EIF2AK1: variants seen among roughly 807,000 people sequenced by gnomAD.
EIF2AK1 encodes eukaryotic translation initiation factor 2 alpha kinase 1, also known as eukaryotic translation initiation factor 2-alpha kinase 1.
In EIF2AK1, 54 loss-of-function variants were observed where a neutral mutation model predicts 77.9. The observed-to-expected ratio is 0.69, with a 90% confidence interval of 0.56 to 0.87. EIF2AK1 has a LOEUF of 0.87. EIF2AK1 is among the 40% of genes least tolerant of loss of function. The pLI is 0.00. For synonymous variants in EIF2AK1, 314 were observed against 290.5 expected, an observed-to-expected ratio of 1.08 and a Z score of -0.82; for missense variants, 810 against 768.6, an observed-to-expected ratio of 1.05 and a Z score of -0.64.
At chr7:6,045,450 G>A (rs890980748) in intron 6 of EIF2AK1, among the ~76,000 whole-genome samples, 1 of 152,136 alleles carries the variant, frequency 6.6e-6, no homozygotes, top group Non-Finnish European at 1.5e-5. Context: ...AATTGTTATA[G>A]CAACTAAATA....
At position 6,058,928 on chromosome 7, in the gene EIF2AK1, A is replaced by G. The variant is rs770781049; in HGVS notation, c.118+38T>C. 2.0e-6 allele frequency: 3 copies of G among 1,477,004 alleles called. No individual in the cohort carries two copies. In the South Asian group the frequency reaches 3.8e-5, roughly 19 times the overall value. The allele number at this position is 1,477,004 out of a possible 1,614,324, so 91.5% of individuals were successfully genotyped here. A position where few individuals can be genotyped will look rare whatever the true frequency, so the allele number is the denominator to read the frequency against. On this transcript the variant is annotated intron_variant, in intron 1 of 14. Coordinates refer to ENST00000199389, the MANE Select transcript of EIF2AK1 (RefSeq NM_014413.4). Reference sequence around the variant, plus strand: ...GCCGCCCAGAAACGCAGGTGGACAGAGAGAGCAGAGCGGCGACGCCGCGAT... The same window carrying G: ...GCCGCCCAGAAACGCAGGTGGACAGGGAGAGCAGAGCGGCGACGCCGCGAT...
intron 11 of EIF2AK1, chr7:6,031,494 A>G: frequency 6.4e-7 from 1 of 1,550,692 alleles, no homozygotes; most frequent in Non-Finnish European, 8.7e-7. Context: ...ATGAGAGAAG[A>G]CTGCACTACG....
rs888003176 is a variant in EIF2AK1, at chr7:6,023,217, T to G, written c.*1456A>C. The G allele has an allele frequency of 2.8e-6, 4 of 1,441,122 alleles. No individual in the cohort carries two copies. The highest frequency in any genetic ancestry group is 3.7e-6 in the Non-Finnish European group (4 of 1,079,750). 89.3% of individuals were successfully genotyped at this position (1,441,122 alleles called of 1,614,324 possible). ...TTTCCCATGTCATCAGTCTGTGGTG[T>G]TTGGTGACTGTCCCCTTCCCCACTG... On this transcript the variant is annotated 3_prime_UTR_variant, in exon 15 of 15. Coordinates refer to ENST00000199389, the MANE Select transcript of EIF2AK1 (RefSeq NM_014413.4).
Position 6,036,665 on chromosome 7 carries a change from T to C in EIF2AK1, c.1332+759A>G, listed in dbSNP as rs750238372. Among the ~76,000 whole-genome samples, 16 of 152,146 alleles carry C rather than the reference T, an allele frequency of 1.1e-4. No individual in the cohort carries two copies. Among genetic ancestry groups the C allele is most frequent in the Non-Finnish European group, 1.9e-4 (13 of 68,034 alleles). ...TTCAGCCAAAGACACAAATATATTT[T>C]CTCTCTTTCTTGATAGCCTTTTGTG... On this transcript the variant is annotated intron_variant, in intron 11 of 14. Coordinates refer to ENST00000199389, the MANE Select transcript of EIF2AK1 (RefSeq NM_014413.4). This position sits in a 1 kb window ranked among gnomAD's most constrained non-coding sequence, Gnocchi z 4.6.
In EIF2AK1 at chr7:6,041,114, A is replaced by G; in HGVS notation, c.897T>C (p.Asn299=). The change falls in exon 9 of 15, where the codon AAT becomes AAC. Residue 299 remains asparagine, a synonymous_variant. Coordinates refer to ENST00000199389, the MANE Select transcript of EIF2AK1 (RefSeq NM_014413.4). ...EKRFGESDTE[N]QNNKSVKYTT... is the part of the protein sequence containing the mutation. ...TGTACTTCACCGACTTGTTATTCTG[A>G]TTTTCAGTGTCAGATTCTCCAAAGC... 1 of 1,613,552 alleles carries G rather than the reference A, an allele frequency of 6.2e-7. No homozygotes were observed. Among genetic ancestry groups the G allele is most frequent in the Non-Finnish European group, 8.5e-7 (1 of 1,179,972 alleles).
At chr7:6,045,870 A>G (rs1305175289) in intron 6 of EIF2AK1, among the ~76,000 whole-genome samples, 4 of 151,630 alleles carry the variant, frequency 2.6e-5, no homozygotes, top group Non-Finnish European at 5.9e-5. Context: ...CTTTACTCCA[A>G]CCTGGCCAAA....
chr7:6,030,496 G>A (rs558193310), intron 11 of EIF2AK1, among the ~76,000 whole-genome samples: 1 of 152,084 alleles, frequency 6.6e-6, no homozygotes, highest in African/African-American at 2.4e-5. Flanking sequence ...CTCGCACTAC[G>A]AAAAAACTGA....
At chr7:6,024,982 G>C (rs1458755104) in intron 14 of EIF2AK1, among the ~76,000 whole-genome samples, 181 bp from the exon 15 acceptor site, 6 of 151,930 alleles carry the variant, frequency 3.9e-5, no homozygotes, top group African/African-American at 1.5e-4. Flanking sequence ...GGGATTACAG[G>C]CGCTCTCATA....
Position 6,023,620 on chromosome 7 carries a change from A to G in EIF2AK1, c.*1053T>C. On this transcript the variant is annotated 3_prime_UTR_variant, in exon 15 of 15. Transcript: ENST00000199389. ...AGGCTGCAGTGTGACAGTGCCAGCC[A>G]ATGTGCAGAGGTGGATGAGGTCTTG... 6.2e-7 allele frequency: 1 copy of G among 1,614,150 alleles called. No individual in the cohort carries two copies. Among genetic ancestry groups the G allele is most frequent in the Non-Finnish European group, 8.5e-7 (1 of 1,180,008 alleles).
At chr7:6,030,393 C>T (rs889804852) in intron 11 of EIF2AK1, among the ~76,000 whole-genome samples, 2 of 152,160 alleles carry the variant, frequency 1.3e-5, no homozygotes, top group Non-Finnish European at 2.9e-5. Context: ...CTACCAGACA[C>T]GTGACCTTGC....
rs775072621 is a variant in EIF2AK1 at position 6,024,717 on chromosome 7, C to G, written c.1849G>C (p.Asp617His). ...TTTCCGTCATCCCTCACCCCTTTGT[C>G]TTGAGAAAGGAGGTTTAGCTGCTTC... ...LKKQLNLLSQ[D>H]KGVRDDGKDG... is the part of the protein sequence containing the mutation. The change falls in exon 15 of 15, where the codon GAC (aspartate) becomes CAC (histidine). Residue 617 changes from aspartate to histidine, a missense_variant. Around this residue, in one of 3 missense-constraint regions of EIF2AK1, gnomAD observed 549 missense variants for 533.7 expected, o/e 1.03. Coordinates refer to ENST00000199389, the MANE Select transcript of EIF2AK1 (RefSeq NM_014413.4). The G allele has an allele frequency of 6.7e-5, 108 of 1,609,436 alleles. 4 individuals carry two copies. In the South Asian group the frequency reaches 1.1e-3, roughly 17 times the overall value.
chr7:6,031,850 A>C (rs1787921188), intron 11 of EIF2AK1, among the ~76,000 whole-genome samples: 1 of 152,170 alleles, frequency 6.6e-6, no homozygotes. Context: ...ACATACCCAC[A>C]GTGATGATCT....
chr7:6,024,163 A>C lies in EIF2AK1; in HGVS notation c.*510T>G, dbSNP rs1262688162. ...AAAGGTTGGAAGTTGCACACTGTAC[A>C]CTGTTAAGAAGTTGAGCTTTTATCT... On this transcript the variant is annotated 3_prime_UTR_variant, in exon 15 of 15. Transcript: ENST00000199389. 1 of 1,281,874 alleles carries C rather than the reference A, an allele frequency of 7.8e-7. No individual in the cohort carries two copies. The highest frequency in any genetic ancestry group is 1.5e-5 in the African/African-American group (1 of 65,574). The allele number at this position is 1,281,874 out of a possible 1,614,324, so 79.4% of individuals were successfully genotyped here.
At chr7:6,041,538 G>A (rs1409548109) in intron 8 of EIF2AK1, among the ~76,000 whole-genome samples, 5 of 138,178 alleles carry the variant, frequency 3.6e-5, no homozygotes, top group African/African-American at 1.4e-4. Flanking sequence ...GTGAGACTCC[G>A]TCTCCAAGAA....
At chr7:6,058,766 G>C (rs1277418517) in intron 1 of EIF2AK1, among the ~76,000 whole-genome samples, 200 bp downstream of exon 1, 2 of 152,194 alleles carry the variant, frequency 1.3e-5, no homozygotes, top group Non-Finnish European at 2.9e-5. Flanking sequence ...AGAGGCAGAC[G>C]TTCTTTTCAA....
chr7:6,039,483 G>A (rs563846642), intron 9 of EIF2AK1, among the ~76,000 whole-genome samples: 14 of 152,080 alleles, frequency 9.2e-5, no homozygotes, highest in Admixed American at 5.9e-4. Flanking sequence ...TCAGCCAGGC[G>A]TAGTGGCGCG....
intron 3 of EIF2AK1, 56 bp from the exon 4 acceptor site, chr7:6,048,900 AACCT>A: frequency 5.4e-6 from 7 of 1,301,236 alleles, no homozygotes; most frequent in Non-Finnish European, 7.5e-6. Flanking sequence ...TGGAATAAAG[AACCT>A]ATCAAAATTC....
intron 6 of EIF2AK1, among the ~76,000 whole-genome samples, chr7:6,045,661 G>C (rs919548277): frequency 6.6e-6 from 1 of 150,800 alleles, no homozygotes; most frequent in Non-Finnish European, 1.5e-5. Flanking sequence ...CTGGAACTGG[G>C]CTCCTGTTTT....
intron 2 of EIF2AK1, 41 bp from the exon 3 acceptor site, chr7:6,050,086 T>C (rs76660964): frequency 1.8e-4 from 286 of 1,547,826 alleles, no homozygotes; most frequent in Non-Finnish European, 2.4e-4. Context: ...GAAACATCTT[T>C]AATAAAATGG....
Sources: gnomAD v4.1 joint callset for allele counts (sites outside exome capture counted in the v4.1 genomes callset) on GRCh38, gnomAD v4.1.1 for gene constraint, gnomAD v4.1.1 regional missense constraint, Gnocchi (gnomAD v3.1) non-coding constraint, MANE v1.5 for transcripts, NCBI Gene and HGNC (gene_info 2026-07-23, HGNC 2026-07-21) for gene names.